CNTNAP2: variants seen among roughly 807,000 people sequenced by gnomAD.
CNTNAP2 encodes contactin associated protein 2, also known as contactin-associated protein-like 2.
A neutral mutation model predicts 155.2 loss-of-function variants in CNTNAP2; 98 were observed. The ratio of observed to expected loss-of-function variants is 0.63; its 90% confidence interval spans 0.54 to 0.75. The LOEUF (loss-of-function observed/expected upper bound fraction) is 0.75, where lower values mean the gene tolerates loss of function less well. Ranked by LOEUF, CNTNAP2 falls within the 30% of genes least tolerant of loss-of-function variation. The pLI is 0.00. For missense variants in CNTNAP2, 1,727 were observed against 1,688.1 expected, an observed-to-expected ratio of 1.02 and a Z score of -0.40; for synonymous variants, 651 against 631.2, an observed-to-expected ratio of 1.03 and a Z score of -0.47.
chr7:148,268,248 TCGG>T (rs1439534482), intron 21 of CNTNAP2, among the ~76,000 whole-genome samples: 2 of 152,122 alleles, frequency 1.3e-5, no homozygotes, highest in Non-Finnish European at 2.9e-5. Context: ...GGGAGGTCAC[TCGG>T]CGGCCAGTGT....
At chr7:147,406,201 A>AAGGAG (rs56788081) in intron 10 of CNTNAP2, among the ~76,000 whole-genome samples, 2,062 of 129,168 alleles carry the variant, frequency 0.016, 44 homozygotes, top group African/African-American at 0.06. Flanking sequence ...AAGAAAAGGA[A>AAGGAG]AGGAGAGGAG....
intron 15 of CNTNAP2, among the ~76,000 whole-genome samples, chr7:148,041,787 G>A (rs1373978354): frequency 6.6e-6 from 1 of 152,088 alleles, no homozygotes; most frequent in African/African-American, 2.4e-5. Flanking sequence ...CATCTATTGA[G>A]CAACCCACTT....
intron 1 of CNTNAP2, among the ~76,000 whole-genome samples, chr7:146,218,337 G>A (rs1025059190): frequency 1.3e-5 from 2 of 152,054 alleles, no homozygotes; most frequent in African/African-American, 4.8e-5. Flanking sequence ...GTGAAACCCC[G>A]TCTCTACTAA....
At chr7:146,662,345 C>A (rs550316775) in intron 1 of CNTNAP2, among the ~76,000 whole-genome samples, 138 of 83,578 alleles carry the variant, frequency 1.7e-3, no homozygotes, top group African/African-American at 3.4e-3. Flanking sequence ...ACCATATTGG[C>A]CAGGCTGGCC....
chr7:147,807,991 A>AAAT (rs1798119990), intron 13 of CNTNAP2, among the ~76,000 whole-genome samples: 2 of 152,046 alleles, frequency 1.3e-5, no homozygotes, highest in Non-Finnish European at 2.9e-5. Context: ...TTTTTTAAAA[A>AAAT]AAAAAAATAA....
intron 8 of CNTNAP2, among the ~76,000 whole-genome samples, chr7:147,267,560 T>G (rs950372409): frequency 1.4e-4 from 1 of 7,078 alleles, no homozygotes; most frequent in Admixed American, 1.3e-3. Flanking sequence ...GTTAACACAT[T>G]TTTTTTTTTC....
chr7:146,397,871 C>CTTT lies in CNTNAP2; in HGVS notation c.97+280900_97+280902dup, dbSNP rs1438446898. On this transcript the variant is annotated intron_variant, in intron 1 of 23. Transcript: ENST00000361727. ...ATTTTGTATACCAAAATTTGACAGG[C>CTTT]TTTTATTTATTTATTTATTTTTGAC... Among the ~76,000 whole-genome samples, 299 of 126,852 alleles carry CTTT rather than the reference C, an allele frequency of 2.4e-3. 13 individuals are homozygous for CTTT. Among genetic ancestry groups the CTTT allele is most frequent in the African/African-American group, 5.7e-3 (167 of 29,484 alleles). 83.2% of individuals were successfully genotyped at this position (126,852 alleles called of 152,430 possible). A position where few individuals can be genotyped will look rare whatever the true frequency, so the allele number is the denominator to read the frequency against.
chr7:146,869,109 T>G (rs1460479802), intron 3 of CNTNAP2, among the ~76,000 whole-genome samples: 2 of 152,306 alleles, frequency 1.3e-5, no homozygotes, highest in East Asian at 3.9e-4. Context: ...TCAAGGGGAA[T>G]GCTTCCAGCT....
At chr7:146,621,461 C>G (rs1585010696) in intron 1 of CNTNAP2, among the ~76,000 whole-genome samples, 1 of 152,110 alleles carries the variant, frequency 6.6e-6, no homozygotes, top group East Asian at 1.9e-4. Context: ...ATTATGCCTC[C>G]TTAGGATTCT....
chr7:147,687,859 A>G (rs1203376069), intron 13 of CNTNAP2, among the ~76,000 whole-genome samples: 6 of 152,150 alleles, frequency 3.9e-5, no homozygotes. Flanking sequence ...GATAACATCC[A>G]TATTTACATA....
chr7:146,550,896 G>C (rs190987264), intron 1 of CNTNAP2, among the ~76,000 whole-genome samples: 1 of 152,002 alleles, frequency 6.6e-6, no homozygotes, highest in Non-Finnish European at 1.5e-5. Context: ...GACACCTGAA[G>C]AGAATCTGGA....
At chr7:147,190,906 C>T (rs898328982) in intron 8 of CNTNAP2, among the ~76,000 whole-genome samples, 39 of 152,118 alleles carry the variant, frequency 2.6e-4, no homozygotes, top group African/African-American at 9.2e-4. Context: ...TGATATAATG[C>T]TTGGGTTGAA....
At chr7:147,131,132 C>T (rs181350053) in intron 7 of CNTNAP2, among the ~76,000 whole-genome samples, 1,584 of 146,678 alleles carry the variant, frequency 0.011, 13 homozygotes, top group Middle Eastern at 0.027. Flanking sequence ...CATATATATA[C>T]CATATACATA....
Position 147,560,168 on chromosome 7 carries a change from C to CAAAAAAAAAAAAAAAAAAAAAAAAAAA in CNTNAP2, c.1778-1947_1778-1946insAAAAAAAAAAAAAAAAAAAAAAAAAAA, listed in dbSNP as rs71183016. On this transcript the variant is annotated intron_variant, in intron 11 of 23. Transcript: ENST00000361727. ...GGGCAACAAGAACGAAACTCCGTCT[C>CAAAAAAAAAAAAAAAAAAAAAAAAAAA]AAAAAAAAAAAAAAAAAAAAAAATT... 4.7e-4 allele frequency among the ~76,000 whole-genome samples: 25 copies of CAAAAAAAAAAAAAAAAAAAAAAAAAAA among 52,816 alleles called. 2 individuals carry two copies. Among genetic ancestry groups the CAAAAAAAAAAAAAAAAAAAAAAAAAAA allele is most frequent in the Admixed American group, 8.2e-4 (3 of 3,676 alleles). 34.6% of individuals were successfully genotyped at this position (52,816 alleles called of 152,430 possible).
At position 147,909,892 on chromosome 7, in the gene CNTNAP2, T is replaced by C. The variant is rs561333546; in HGVS notation, c.2255+6171T>C. On this transcript the variant is annotated intron_variant, in intron 14 of 23. Transcript: ENST00000361727. ...AGTGAAAAGCCGTTAGCACAGTCTT[T>C]GTGTTACAATTAGTCAGCAGTTCCC... is the stretch of plus-strand genomic sequence containing the variant. 4.0e-5 allele frequency among the ~76,000 whole-genome samples: 6 copies of C among 150,672 alleles called. No homozygotes were observed. The South Asian group carries it at 1.3e-3, about 32-fold the overall frequency.
At chr7:148,234,418 A>T (rs145934058) in intron 20 of CNTNAP2, among the ~76,000 whole-genome samples, 1 of 152,250 alleles carries the variant, frequency 6.6e-6, no homozygotes, top group African/African-American at 2.4e-5. Context: ...ACCATATGCT[A>T]TGTACCCACC....
chr7:147,703,881 T>G (rs987655808), intron 13 of CNTNAP2, among the ~76,000 whole-genome samples: 14 of 152,170 alleles, frequency 9.2e-5, no homozygotes, highest in African/African-American at 3.1e-4. Context: ...CTTCCCAGCC[T>G]CTGGTAACCA....
At chr7:146,294,124 A>G (rs1391765831) in intron 1 of CNTNAP2, among the ~76,000 whole-genome samples, 1 of 152,252 alleles carries the variant, frequency 6.6e-6, no homozygotes, top group Non-Finnish European at 1.5e-5. Context: ...GAGCTGACAG[A>G]CAATTCGACA....
intron 13 of CNTNAP2, among the ~76,000 whole-genome samples, chr7:147,646,617 T>A (rs1301585193): frequency 6.6e-6 from 1 of 152,130 alleles, no homozygotes; most frequent in Non-Finnish European, 1.5e-5. Context: ...AAGCCTCCTG[T>A]ATTGCTTCAG....
Sources: gnomAD v4.1 joint callset for allele counts (sites outside exome capture counted in the v4.1 genomes callset) on GRCh38, gnomAD v4.1.1 for gene constraint, MANE v1.5 for transcripts, NCBI Gene and HGNC (gene_info 2026-07-23, HGNC 2026-07-21) for gene names.